NUP188: variants seen among roughly 807,000 people sequenced by gnomAD.
NUP188 encodes nucleoporin NUP188.
Under a neutral mutation model 223.0 loss-of-function variants are expected in NUP188, and 97 were observed. That is an observed-to-expected ratio of 0.43 (90% CI 0.37 to 0.51). NUP188 has a LOEUF of 0.51. Among genes scored for constraint, NUP188 ranks in the 20% least tolerant of loss-of-function variants. The pLI, the probability that NUP188 is intolerant of heterozygous loss-of-function variation, is 0.00. For missense variants in NUP188, 1,947 were observed against 2,175.6 expected (o/e 0.89, Z 2.09); for synonymous variants, 869 against 828.0 (o/e 1.05, Z -0.85).
At position 128,947,723 on chromosome 9, in the gene NUP188, G is replaced by A. The variant is rs1483844088; in HGVS notation, c.4G>A (p.Ala2Thr). The change falls in exon 1 of 44, where the codon GCG (alanine) becomes ACG (threonine). Residue 2 changes from alanine to threonine, a missense_variant. Around this residue, in one of 3 missense-constraint regions of NUP188, gnomAD observed 817 missense variants for 865.8 expected, o/e 0.94. Transcript: ENST00000372577. M[A>T]AAAGGPCVRS... ...TAGGGCGAGCGGGCGCGCGAAGATG[G>A]CGGCGGCCGCCGGCGGGCCGTGTGT... 1 of 1,473,282 alleles carries A rather than the reference G, an allele frequency of 6.8e-7. No individual in the cohort carries two copies. The highest frequency in any genetic ancestry group is 9.0e-7 in the Non-Finnish European group (1 of 1,114,930). 91.3% of individuals were successfully genotyped at this position (1,473,282 alleles called of 1,614,324 possible). A position where few individuals can be genotyped will look rare whatever the true frequency, so the allele number is the denominator to read the frequency against.
At chr9:128,978,661 T>TATAA (rs1023979522) in intron 12 of NUP188, among the ~76,000 whole-genome samples, 5 of 151,200 alleles carry the variant, frequency 3.3e-5, no homozygotes, top group Admixed American at 1.3e-4. Flanking sequence ...TGTCTTTAAA[T>TATAA]ATAAATAAAT....
At chr9:129,000,609 C>G (rs1015990323) in intron 34 of NUP188, among the ~76,000 whole-genome samples, 1 of 152,024 alleles carries the variant, frequency 6.6e-6, no homozygotes, top group South Asian at 2.1e-4. Context: ...TGAGCCACCA[C>G]GCCTGGCCAC....
intron 30 of NUP188, among the ~76,000 whole-genome samples, chr9:128,997,166 GC>G (rs1267681483): frequency 6.6e-6 from 1 of 152,234 alleles, no homozygotes; most frequent in African/African-American, 2.4e-5. Context: ...TCCAGGTGGA[GC>G]CCGTGGAGGA....
intron 8 of NUP188, among the ~76,000 whole-genome samples, chr9:128,967,747 G>A (rs1016657211): frequency 2.6e-5 from 4 of 151,638 alleles, no homozygotes; most frequent in Admixed American, 6.6e-5. Context: ...CCAAGATCGC[G>A]CCATTGCACT....
rs781710302 is a variant in NUP188, at chr9:128,981,280, A to G, written c.1406A>G (p.Asp469Gly). ...TTTTGGCAGGTGTATAGCTTCTTGG[A>G]TAAGATGTCTTTCTACAATGAACTT... ...STAKKVYSFL[D>G]KMSFYNELYK... The change falls in exon 15 of 44, where the codon GAT becomes GGT. Residue 469 changes from aspartate to glycine, a missense_variant. This residue lies in a region of NUP188 where 817 missense variants were observed against 865.8 expected (regional missense o/e 0.94). Transcript: ENST00000372577. 2.5e-6 allele frequency: 4 copies of G among 1,613,896 alleles called. No homozygotes were observed. In the South Asian group the frequency reaches 4.4e-5, roughly 18 times the overall value.
Position 128,988,092 on chromosome 9 carries a change from A to G in NUP188, c.2439A>G (p.Thr813=). ...GGCAGGGCCAGCTGCTGATCAAGAC[A>G]GTGAAACTGGCATTCTCCGTCACCA... ...GQGQGQLLIK[T]VKLAFSVTNN... Residue 813 remains threonine (T), a synonymous_variant, in exon 24 of 44, where the codon ACA becomes ACG. Coordinates refer to ENST00000372577, the MANE Select transcript of NUP188 (RefSeq NM_015354.3). 10 of 1,614,216 alleles carry G rather than the reference A, an allele frequency of 6.2e-6. No homozygotes were observed. Among genetic ancestry groups the G allele is most frequent in the Non-Finnish European group, 8.5e-6 (10 of 1,180,000 alleles).
intron 12 of NUP188, among the ~76,000 whole-genome samples, chr9:128,975,732 G>A (rs1208091111): frequency 6.7e-6 from 1 of 149,832 alleles, no homozygotes; most frequent in Non-Finnish European, 1.5e-5. Flanking sequence ...TGGCCAGGCT[G>A]GCCTCAAACT....
intron 3 of NUP188, among the ~76,000 whole-genome samples, chr9:128,954,696 A>G (rs932561760): frequency 6.6e-6 from 1 of 150,982 alleles, no homozygotes; most frequent in Non-Finnish European, 1.5e-5. Flanking sequence ...AATGTCGACA[A>G]TGTCTTAGTC....
At position 128,947,732 on chromosome 9, in the gene NUP188, G is replaced by A. The variant is rs1263832247; in HGVS notation, c.13G>A (p.Ala5Thr). MAAA[A>T]GGPCVRSSRE... ...CGGGCGCGCGAAGATGGCGGCGGCC[G>A]CCGGCGGGCCGTGTGTGAGGTGCGG... The change falls in exon 1 of 44, where the codon GCC (alanine) becomes ACC (threonine). Residue 5 changes from alanine to threonine, a missense_variant. Physicochemically the swap from Ala to Thr is moderately conservative, Grantham distance 58 (BLOSUM62 0). Around this residue, in one of 3 missense-constraint regions of NUP188, gnomAD observed 817 missense variants for 865.8 expected, o/e 0.94. Coordinates refer to ENST00000372577, the MANE Select transcript of NUP188 (RefSeq NM_015354.3). 4 of 1,471,448 alleles carry A rather than the reference G, an allele frequency of 2.7e-6. No individual in the cohort carries two copies. Among genetic ancestry groups the A allele is most frequent in the African/African-American group, 1.4e-5 (1 of 69,394 alleles). 91.1% of individuals were successfully genotyped at this position (1,471,448 alleles called of 1,614,324 possible). A position where few individuals can be genotyped will look rare whatever the true frequency, so the allele number is the denominator to read the frequency against.
In NUP188 at chr9:128,982,497, T is replaced by C; in HGVS notation, c.1517-52T>C. 4.7e-6 allele frequency: 7 copies of C among 1,481,730 alleles called. No individual in the cohort carries two copies. In the South Asian group the frequency reaches 6.1e-5, roughly 13 times the overall value. 91.8% of individuals were successfully genotyped at this position (1,481,730 alleles called of 1,614,324 possible). A position where few individuals can be genotyped will look rare whatever the true frequency, so the allele number is the denominator to read the frequency against. ...AAATATTGATGTCTGGTAGAGGAGT[T>C]ACATTTTTTATTTATCCTCAGATAT... On this transcript the variant is annotated intron_variant, in intron 15 of 43. Transcript: ENST00000372577.
rs193033234 is a variant in NUP188 at position 128,967,061 on chromosome 9, A to T, written c.586-1445A>T. Reference sequence around the variant, plus strand: ...CTCACTGTGTCACCCAGGCTGGGGTACAGGGGCATGATTGTAGCCTACTGC... The same window carrying T: ...CTCACTGTGTCACCCAGGCTGGGGTTCAGGGGCATGATTGTAGCCTACTGC... On this transcript the variant is annotated intron_variant, in intron 8 of 43. Coordinates refer to ENST00000372577, the MANE Select transcript of NUP188 (RefSeq NM_015354.3). 2.0e-3 allele frequency among the ~76,000 whole-genome samples: 299 copies of T among 152,248 alleles called. 1 individual carries two copies. The highest frequency in any genetic ancestry group is 5.5e-3 in the Admixed American group (84 of 15,278).
At chr9:128,997,591 G>A (rs1340712752) in intron 30 of NUP188, among the ~76,000 whole-genome samples, 1 of 152,116 alleles carries the variant, frequency 6.6e-6, no homozygotes, top group African/African-American at 2.4e-5. Flanking sequence ...CAGGGCTCAC[G>A]TGATCTTCCC....
chr9:129,004,281 CAAAA>C (rs560251172), intron 38 of NUP188, among the ~76,000 whole-genome samples: 3 of 89,672 alleles, frequency 3.3e-5, no homozygotes, highest in African/African-American at 5.5e-5. Context: ...GACTCCGTCT[CAAAA>C]AAAAAAAAAA....
chr9:128,956,835 G>A, intron 4 of NUP188, 117 bp from the exon 5 acceptor site: 2 of 648,186 alleles, frequency 3.1e-6, no homozygotes, highest in South Asian at 4.3e-5. Flanking sequence ...ATGAATCTTT[G>A]AGAAGCATTT....
At chr9:128,972,508 A>G (rs563172262) in intron 11 of NUP188, among the ~76,000 whole-genome samples, 270 of 152,318 alleles carry the variant, frequency 1.8e-3, no homozygotes, top group Admixed American at 3.6e-3. Context: ...AAGCTATTCC[A>G]TGTGATACTA....
At chr9:128,996,762 A>C (rs1588289798) in intron 30 of NUP188, among the ~76,000 whole-genome samples, 1 of 151,746 alleles carries the variant, frequency 6.6e-6, no homozygotes. Context: ...TGAAAATCCC[A>C]CCATCCTCTT....
chr9:128,949,754 G>A (rs542055244), intron 2 of NUP188, among the ~76,000 whole-genome samples: 3 of 151,590 alleles, frequency 2.0e-5, no homozygotes, highest in South Asian at 4.2e-4. Flanking sequence ...ACAGCCTCCC[G>A]AGTAGCTGAG....
Position 128,988,190 on chromosome 9 carries a change from T to C in NUP188, c.2533+4T>C, listed in dbSNP as rs1318007657. On this transcript the variant is annotated splice_donor_region_variant and intron_variant, in intron 24 of 43. Transcript: ENST00000372577. ...GAACAGGCTCTCTCACAACATGGTA[T>C]GTATTTCTCTTCCAGTCACAACATG... 1 of 1,613,996 alleles carries C rather than the reference T, an allele frequency of 6.2e-7. No homozygotes were observed.
At chr9:128,975,895 C>A (rs1023792985) in intron 12 of NUP188, among the ~76,000 whole-genome samples, 1 of 152,134 alleles carries the variant, frequency 6.6e-6, no homozygotes, top group Non-Finnish European at 1.5e-5. Flanking sequence ...GATTTCAGAT[C>A]GCTGCAAACT....
Sources: allele counts gnomAD v4.1 joint callset (sites outside exome capture counted in the v4.1 genomes callset), GRCh38; gene constraint gnomAD v4.1.1; regional missense constraint gnomAD v4.1.1; transcripts MANE v1.5; gene names NCBI Gene and HGNC (gene_info 2026-07-23, HGNC 2026-07-21).